The following CNTNAP2 variants were observed in gnomAD, a reference collection of about 807,000 sequenced individuals.
CNTNAP2 encodes the protein contactin-associated protein-like 2.
Under a neutral mutation model 155.2 loss-of-function variants are expected in CNTNAP2, and 98 were observed. The ratio of observed to expected loss-of-function variants is 0.63; its 90% confidence interval spans 0.54 to 0.75. The LOEUF (loss-of-function observed/expected upper bound fraction) is 0.75, where lower values mean the gene tolerates loss of function less well. Among genes scored for constraint, CNTNAP2 ranks in the 30% least tolerant of loss-of-function variants. CNTNAP2 has a pLI of 0.00. For missense variants in CNTNAP2, 1,727 were observed against 1,688.1 expected (o/e 1.02, Z -0.40); for synonymous variants, 651 against 631.2 (o/e 1.03, Z -0.47).
chr7:146,995,181 T>C (rs999671924), intron 3 of CNTNAP2, among the ~76,000 whole-genome samples: 13 of 152,130 alleles, frequency 8.5e-5, no homozygotes, highest in African/African-American at 2.9e-4. Context: ...TTCATTTTTA[T>C]GGCTGAACAG....
intron 1 of CNTNAP2, among the ~76,000 whole-genome samples, chr7:146,163,469 A>C (rs901029299): frequency 8.2e-5 from 12 of 147,102 alleles, no homozygotes; most frequent in African/African-American, 3.0e-4. Flanking sequence ...CACATTATAT[A>C]TATCTATATA....
intron 8 of CNTNAP2, among the ~76,000 whole-genome samples, chr7:147,190,546 G>A (rs1802660196): frequency 1.3e-5 from 2 of 152,156 alleles, no homozygotes; most frequent in African/African-American, 4.8e-5. Flanking sequence ...CACATCATCT[G>A]CATATAATTT....
intron 9 of CNTNAP2, among the ~76,000 whole-genome samples, chr7:147,327,125 T>C (rs1285705991): frequency 6.9e-6 from 1 of 144,894 alleles, no homozygotes; most frequent in African/African-American, 2.5e-5. Flanking sequence ...TGAAGGGGCT[T>C]GTTAGGTTTT....
chr7:148,122,705 A>T (rs1804625285), intron 16 of CNTNAP2, among the ~76,000 whole-genome samples: 1 of 152,150 alleles, frequency 6.6e-6, no homozygotes, highest in African/African-American at 2.4e-5. Flanking sequence ...ACAACCAGCC[A>T]TGGGAGCCTC....
At chr7:146,233,827 G>A (rs1799426669) in intron 1 of CNTNAP2, among the ~76,000 whole-genome samples, 1 of 151,266 alleles carries the variant, frequency 6.6e-6, no homozygotes, top group African/African-American at 2.4e-5. Flanking sequence ...AGTATTCCAT[G>A]GTGTATATGT....
At chr7:148,072,436 T>C (rs1803398296) in intron 15 of CNTNAP2, among the ~76,000 whole-genome samples, 1 of 152,234 alleles carries the variant, frequency 6.6e-6, no homozygotes, top group African/African-American at 2.4e-5. Flanking sequence ...TGGGTATGGT[T>C]GTGCTCCAAT....
At chr7:147,486,119 C>A in intron 11 of CNTNAP2, 78 bp downstream of exon 11, 1 of 1,198,206 alleles carries the variant, frequency 8.3e-7, no homozygotes, top group Non-Finnish European at 1.2e-6. Flanking sequence ...TGAAGCTCAG[C>A]AACCTGAATA....
rs542793920 is a variant in CNTNAP2, at chr7:147,019,495, C to T, written c.403-24412C>T. On this transcript the variant is annotated intron_variant, in intron 3 of 23. Coordinates refer to ENST00000361727, the MANE Select transcript of CNTNAP2 (RefSeq NM_014141.6). ...CCTGCATCAGTATCCATATAACCTT[C>T]CTAGAAGGGCTTCCTTTATAGGTTA... 4.6e-5 allele frequency among the ~76,000 whole-genome samples: 7 copies of T among 152,184 alleles called. No homozygotes were observed. In the South Asian group the frequency reaches 1.5e-3, roughly 32 times the overall value.
intron 1 of CNTNAP2, among the ~76,000 whole-genome samples, chr7:146,119,781 T>C (rs1482593946): frequency 6.6e-6 from 1 of 152,114 alleles, no homozygotes; most frequent in South Asian, 2.1e-4. Context: ...TATAATTTCA[T>C]TGACCAACAC....
intron 3 of CNTNAP2, among the ~76,000 whole-genome samples, chr7:146,852,672 A>C (rs943773390): frequency 2.6e-5 from 4 of 152,198 alleles, no homozygotes; most frequent in African/African-American, 7.2e-5. Flanking sequence ...TCTATCAGCA[A>C]AGAAAAGAGC....
intron 13 of CNTNAP2, among the ~76,000 whole-genome samples, chr7:147,693,104 G>A (rs2116994443): frequency 6.6e-6 from 1 of 152,036 alleles, no homozygotes; most frequent in East Asian, 1.9e-4. Flanking sequence ...CTCCTTTGTT[G>A]AAGAAAACTA....
chr7:148,251,290 A>C lies in CNTNAP2; in HGVS notation c.3382-15743A>C, dbSNP rs552913965. Among the ~76,000 whole-genome samples, 80 of 152,330 alleles carry C rather than the reference A, an allele frequency of 5.3e-4. No homozygotes were observed. The Middle Eastern group carries it at 0.01, about 19-fold the overall frequency. On this transcript the variant is annotated intron_variant, in intron 20 of 23. Transcript: ENST00000361727. ...CGGGAAAGCACTATACTTATGATCAAGTTTTACTATAAAGGATACAATCCA... is the reference window on the plus strand; with the variant it reads ...CGGGAAAGCACTATACTTATGATCACGTTTTACTATAAAGGATACAATCCA...
chr7:147,892,093 C>CAAA (rs577237618), intron 13 of CNTNAP2, among the ~76,000 whole-genome samples: 2 of 150,246 alleles, frequency 1.3e-5, no homozygotes, highest in Non-Finnish European at 3.0e-5. Flanking sequence ...TTGATTCATG[C>CAAA]AAAAAAAAAT....
At chr7:148,242,040 CT>C (rs373853745) in intron 20 of CNTNAP2, among the ~76,000 whole-genome samples, 1 of 152,106 alleles carries the variant, frequency 6.6e-6, no homozygotes, top group African/African-American at 2.4e-5. Flanking sequence ...TGGGAGTTCA[CT>C]TTTTTTTCCT....
intron 15 of CNTNAP2, among the ~76,000 whole-genome samples, chr7:148,047,286 C>G (rs893763660): frequency 1.3e-5 from 2 of 151,278 alleles, no homozygotes; most frequent in Non-Finnish European, 2.9e-5. Flanking sequence ...CCTCTGGTCA[C>G]AGTATATTCA....
rs573031897 is a variant in CNTNAP2, at chr7:148,199,396, A to T, written c.3011-17892A>T. Among the ~76,000 whole-genome samples the T allele has an allele frequency of 7.2e-5, 11 of 152,324 alleles. No individual in the cohort carries two copies. The South Asian group carries it at 2.3e-3, about 32-fold the overall frequency. Reference sequence around the variant, plus strand: ...GCTGAACTGGGAATGTGAGGTTTCAAGTCCTTCTTTGCTTAGGTGTATCCA... The same window carrying T: ...GCTGAACTGGGAATGTGAGGTTTCATGTCCTTCTTTGCTTAGGTGTATCCA... On this transcript the variant is annotated intron_variant, in intron 18 of 23. Coordinates refer to ENST00000361727, the MANE Select transcript of CNTNAP2 (RefSeq NM_014141.6).
chr7:146,308,443 A>G (rs995672232), intron 1 of CNTNAP2, among the ~76,000 whole-genome samples: 1 of 152,160 alleles, frequency 6.6e-6, no homozygotes, highest in Non-Finnish European at 1.5e-5. Context: ...ATCTAGAACT[A>G]GAAATACCAT....
At chr7:146,486,427 C>CA (rs1797060267) in intron 1 of CNTNAP2, among the ~76,000 whole-genome samples, 1 of 152,040 alleles carries the variant, frequency 6.6e-6, no homozygotes, top group South Asian at 2.1e-4. Context: ...GATAATCATG[C>CA]TAGGGTTGTT....
chr7:146,729,407 A>G (rs1338401216), intron 1 of CNTNAP2, among the ~76,000 whole-genome samples: 1 of 152,168 alleles, frequency 6.6e-6, no homozygotes, highest in Non-Finnish European at 1.5e-5. Flanking sequence ...GGATGTACAC[A>G]GGTTACCTAG....
Sources: gnomAD v4.1 joint callset for allele counts (sites outside exome capture counted in the v4.1 genomes callset) on GRCh38, gnomAD v4.1.1 for gene constraint, MANE v1.5 for transcripts, NCBI Gene and HGNC (gene_info 2026-07-23, HGNC 2026-07-21) for gene names.